The following CSRP2 variants were observed in gnomAD, a reference collection of about 807,000 sequenced individuals.
CSRP2 encodes cysteine and glycine rich protein 2.
Under a neutral mutation model 24.6 loss-of-function variants are expected in CSRP2, and 18 were observed. That is an observed-to-expected ratio of 0.73 (90% CI 0.51 to 1.09). The LOEUF is 1.09. CSRP2 is among the 50% of genes least tolerant of loss of function. The pLI, the probability that CSRP2 is intolerant of heterozygous loss-of-function variation, is 0.00. For missense variants in CSRP2, 215 were observed against 239.4 expected (o/e 0.90, Z 0.67); for synonymous variants, 87 against 84.3 (o/e 1.03, Z -0.18).
chr12:76,876,580 G>A (rs73391846), intron 1 of CSRP2, among the ~76,000 whole-genome samples: 2,438 of 152,222 alleles, frequency 0.016, 79 homozygotes, highest in African/African-American at 0.056. Context: ...AGGCCTCACA[G>A]GAGTGCCATG....
At chr12:76,871,508 C>T (rs578191981) in intron 1 of CSRP2, among the ~76,000 whole-genome samples, 11 of 152,282 alleles carry the variant, frequency 7.2e-5, no homozygotes, top group East Asian at 5.8e-4. Context: ...CGGTGGCTCA[C>T]GCCTGTAATC....
chr12:76,864,851 A>G (rs921932480), intron 2 of CSRP2: 2 of 152,220 alleles, frequency 1.3e-5, no homozygotes, highest in African/African-American at 4.8e-5. Flanking sequence ...TATATCTTAA[A>G]CCATAGTTAA....
Position 76,859,652 on chromosome 12 carries a change from G to C in CSRP2, c.412-12C>G, listed in dbSNP as rs1345968953. On this transcript the variant is annotated splice_polypyrimidine_tract_variant and intron_variant, in intron 4 of 5. Transcript: ENST00000311083. The stretch of plus-strand genomic sequence containing the variant: ...TTTTTGTGCCAGGGCTGGAAGAGAT[G>C]AATGTGTCAGCATGTTTGAGAGGCC... 5.6e-6 allele frequency: 9 copies of C among 1,601,322 alleles called. No individual in the cohort carries two copies. Among genetic ancestry groups the C allele is most frequent in the Non-Finnish European group, 5.1e-6 (6 of 1,171,546 alleles).
At chr12:76,868,388 G>C (rs1015402562) in intron 1 of CSRP2, among the ~76,000 whole-genome samples, 4 of 152,090 alleles carry the variant, frequency 2.6e-5, no homozygotes, top group Non-Finnish European at 4.4e-5. Context: ...AGTCTTTCGC[G>C]TGCTGGTCTC....
At chr12:76,866,472 AT>A (rs34861040) in intron 1 of CSRP2, among the ~76,000 whole-genome samples, 89,205 of 149,864 alleles carry the variant, frequency 0.6, 26,443 homozygotes, top group East Asian at 0.67. Context: ...CGTGCACAAG[AT>A]TTTTTTTTTT....
intron 1 of CSRP2, among the ~76,000 whole-genome samples, chr12:76,869,400 A>G (rs1391976379): frequency 6.6e-6 from 1 of 152,154 alleles, no homozygotes; most frequent in Admixed American, 6.5e-5. Flanking sequence ...CCCAACTCCA[A>G]GGCTGGGCAT....
intron 1 of CSRP2, among the ~76,000 whole-genome samples, chr12:76,877,089 T>C (rs1419959700): frequency 6.6e-6 from 1 of 152,208 alleles, no homozygotes; most frequent in Non-Finnish European, 1.5e-5. Context: ...TCCTCTCCCA[T>C]AGGGGGCTCC....
Position 76,863,353 on chromosome 12 carries a change from G to A in CSRP2, c.113-9C>T. The A allele has an allele frequency of 6.2e-7, 1 of 1,613,074 alleles. No individual in the cohort carries two copies. The highest frequency in any genetic ancestry group is 8.5e-7 in the Non-Finnish European group (1 of 1,179,604). The stretch of plus-strand genomic sequence containing the variant: ...ATTTTTCCTGCAAACCACTGCAGGG[G>A]AAAAAGTTAGACTTTACACATGTTC... On this transcript the variant is annotated splice_polypyrimidine_tract_variant and intron_variant, in intron 2 of 5. Coordinates refer to ENST00000311083, the MANE Select transcript of CSRP2 (RefSeq NM_001321.3).
intron 1 of CSRP2, among the ~76,000 whole-genome samples, chr12:76,871,763 C>CAA (rs5799293): frequency 2.4e-5 from 3 of 122,910 alleles, no homozygotes; most frequent in African/African-American, 9.0e-5. Flanking sequence ...GACTCCGACT[C>CAA]AAAAAAAAAA....
Position 76,863,258 on chromosome 12 carries a change from C to T in CSRP2, c.199G>A (p.Gly67Arg). 1 of 1,614,240 alleles carries T rather than the reference C, an allele frequency of 6.2e-7. No homozygotes were observed. Among genetic ancestry groups the T allele is most frequent in the East Asian group, 2.2e-5 (1 of 44,888 alleles). Reference protein sequence around the residue: ...YCKSCYGKKYGPKGYGYGQGA... With the variant: ...YCKSCYGKKYRPKGYGYGQGA... ...TGGCCATAACCGTAGCCTTTTGGCC[C>T]ATACTTCTTTCCGTAGCAGGATTTG... Residue 67 changes from glycine (G) to arginine (R), a missense_variant, in exon 3 of 6, where the codon GGG (glycine) becomes AGG (arginine). Gly to Arg is a moderately radical substitution (Grantham distance 125). Coordinates refer to ENST00000311083, the MANE Select transcript of CSRP2 (RefSeq NM_001321.3).
At chr12:76,869,595 CTTG>C (rs1404211079) in intron 1 of CSRP2, among the ~76,000 whole-genome samples, 7 of 148,250 alleles carry the variant, frequency 4.7e-5, no homozygotes, top group Non-Finnish European at 8.9e-5. Flanking sequence ...ACTGGTATGG[CTTG>C]TTATCACTAA....
chr12:76,864,862 C>T (rs1953719793), intron 2 of CSRP2: 1 of 152,096 alleles, frequency 6.6e-6, no homozygotes, highest in Non-Finnish European at 1.5e-5. Flanking sequence ...CCATAGTTAA[C>T]CTAACACCAT....
intron 1 of CSRP2, among the ~76,000 whole-genome samples, chr12:76,871,549 T>G (rs2137834674): frequency 6.6e-6 from 1 of 152,262 alleles, no homozygotes; most frequent in Middle Eastern, 3.4e-3. Flanking sequence ...GGCGGGCAGA[T>G]CACGAGGTCA....
chr12:76,860,262 T>C (rs1365959709), intron 4 of CSRP2, 22 bp downstream of exon 4: 12 of 1,610,570 alleles, frequency 7.5e-6, no homozygotes, highest in East Asian at 2.2e-5. Context: ...TTTGCTGTTA[T>C]TAATTCCAAA....
rs757635566 is a variant in CSRP2 at position 76,863,264 on chromosome 12, T to A, written c.193A>T (p.Lys65Ter). The change falls in exon 3 of 6, where the codon AAG becomes TAG. Residue 65 changes from lysine to a stop codon, truncating the protein, a stop_gained. Transcript: ENST00000311083. LOFTEE classifies it high-confidence loss of function. The part of the protein sequence containing the change: ...EIYCKSCYGK[K>*]YGPKGYGYGQ... ...TAACCGTAGCCTTTTGGCCCATACT[T>A]CTTTCCGTAGCAGGATTTGCAGTAG... 2 of 1,614,242 alleles carry A rather than the reference T, an allele frequency of 1.2e-6. No homozygotes were observed. Among genetic ancestry groups the A allele is most frequent in the Middle Eastern group, 1.6e-4 (1 of 6,062 alleles).
chr12:76,862,800 G>A (rs1481334185), intron 3 of CSRP2: 3 of 1,440,078 alleles, frequency 2.1e-6, no homozygotes, highest in East Asian at 2.6e-5. Flanking sequence ...AATTTTCATT[G>A]GCTGCTTACA....
chr12:76,871,145 T>C (rs936753313), intron 1 of CSRP2, among the ~76,000 whole-genome samples: 1 of 152,028 alleles, frequency 6.6e-6, no homozygotes, highest in African/African-American at 2.4e-5. Flanking sequence ...CTGCGCAACC[T>C]TGGGCTTCAT....
chr12:76,869,841 G>C lies in CSRP2; in HGVS notation c.-1-3580C>G, dbSNP rs567449974. Among the ~76,000 whole-genome samples the C allele has an allele frequency of 3.3e-4, 51 of 152,298 alleles. 1 individual carries two copies. Among genetic ancestry groups the C allele is most frequent in the South Asian group, 1.0e-3 (5 of 4,826 alleles). On this transcript the variant is annotated intron_variant, in intron 1 of 5. Transcript: ENST00000311083. ...GAAATCCAGAGTGAAACATAAGCCTGGCGGTAAAACCTAAGACATAAAGCC... is the reference window on the plus strand; with the variant it reads ...GAAATCCAGAGTGAAACATAAGCCTCGCGGTAAAACCTAAGACATAAAGCC...
intron 2 of CSRP2, chr12:76,864,112 A>G (rs1372109210): frequency 2.0e-5 from 3 of 152,190 alleles, no homozygotes; most frequent in Non-Finnish European, 4.4e-5. Context: ...GGACATTTCC[A>G]CGTGTCCCAC....
Sources: allele counts gnomAD v4.1 joint callset (sites outside exome capture counted in the v4.1 genomes callset), GRCh38; gene constraint gnomAD v4.1.1; transcripts MANE v1.5; gene names NCBI Gene and HGNC (gene_info 2026-07-23, HGNC 2026-07-21).